Variants in NRG3 observed in about 807,000 individuals in gnomAD.
NRG3 encodes pro-neuregulin-3, membrane-bound isoform.
Under a neutral mutation model 66.9 loss-of-function variants are expected in NRG3, and 31 were observed. The observed-to-expected ratio is 0.46, with a 90% CI of 0.35 to 0.63. The LOEUF (loss-of-function observed/expected upper bound fraction) is 0.63. NRG3 is among the 20% of genes least tolerant of loss of function. The pLI, the probability that NRG3 is intolerant of heterozygous loss-of-function variation, is 0.00. For missense variants in NRG3, 910 were observed against 878.9 expected (o/e 1.04, Z -0.45); for synonymous variants, 393 against 359.4 (o/e 1.09, Z -1.06).
intron 2 of NRG3, among the ~76,000 whole-genome samples, chr10:82,461,604 C>A (rs11194450): frequency 0.45 from 68,154 of 152,072 alleles, 18,972 homozygotes; most frequent in African/African-American, 0.78. Flanking sequence ...TGACTGTTTG[C>A]TTATTTCACA....
intron 4 of NRG3, among the ~76,000 whole-genome samples, chr10:82,925,665 T>C (rs910216852): frequency 2.0e-5 from 3 of 152,226 alleles, no homozygotes; most frequent in East Asian, 1.9e-4. Flanking sequence ...TCAATCTACG[T>C]AGGGTTTATA....
chr10:82,450,148 A>G (rs553033245), intron 2 of NRG3, among the ~76,000 whole-genome samples: 4 of 152,308 alleles, frequency 2.6e-5, no homozygotes, highest in South Asian at 4.1e-4. Flanking sequence ...GGATTAGCAC[A>G]CTACAAGTTC....
intron 2 of NRG3, among the ~76,000 whole-genome samples, chr10:82,464,993 G>A (rs970411393): frequency 1.3e-5 from 2 of 152,198 alleles, no homozygotes; most frequent in Admixed American, 1.3e-4. Flanking sequence ...TGCCTGCATT[G>A]ATGGGTCCTG....
intron 2 of NRG3, among the ~76,000 whole-genome samples, chr10:82,681,592 T>A (rs1565197181): frequency 6.6e-6 from 1 of 152,166 alleles, no homozygotes; most frequent in Non-Finnish European, 1.5e-5. Context: ...AGTAAATAAA[T>A]TGACAAATAA....
At chr10:82,555,533 C>T (rs2044591878) in intron 2 of NRG3, among the ~76,000 whole-genome samples, 1 of 152,130 alleles carries the variant, frequency 6.6e-6, no homozygotes, top group South Asian at 2.1e-4. Context: ...CAAGGGAAGA[C>T]TTTGTATTTC....
intron 3 of NRG3, among the ~76,000 whole-genome samples, chr10:82,755,420 G>T (rs1011263281): frequency 2.6e-5 from 4 of 152,034 alleles, no homozygotes; most frequent in Admixed American, 6.6e-5. Context: ...TTGAACACTT[G>T]ATCTCATTTT....
At chr10:81,933,228 A>G (rs530670332) in intron 1 of NRG3, among the ~76,000 whole-genome samples, 2 of 152,262 alleles carry the variant, frequency 1.3e-5, no homozygotes, top group South Asian at 2.1e-4. Context: ...TAGCACAACA[A>G]TATGCCTGCT....
chr10:82,811,410 C>T (rs968634336), intron 3 of NRG3, among the ~76,000 whole-genome samples: 2 of 152,096 alleles, frequency 1.3e-5, no homozygotes, highest in Non-Finnish European at 2.9e-5. Context: ...AGGCTTGTGG[C>T]GACCTTCTAA....
At chr10:82,698,438 C>T (rs2134263171) in intron 2 of NRG3, among the ~76,000 whole-genome samples, 1 of 152,112 alleles carries the variant, frequency 6.6e-6, no homozygotes, top group South Asian at 2.1e-4. Flanking sequence ...TTAAATAATC[C>T]AAAAGATTAA....
intron 1 of NRG3, among the ~76,000 whole-genome samples, chr10:82,320,723 A>G (rs1436372855): frequency 2.0e-5 from 3 of 152,166 alleles, no homozygotes; most frequent in Non-Finnish European, 2.9e-5. Flanking sequence ...ACATAAGGAA[A>G]TACTGCGTAG....
At position 82,632,797 on chromosome 10, in the gene NRG3, C is replaced by G. The variant is rs139055773; in HGVS notation, c.954-105780C>G. 1.4e-4 allele frequency among the ~76,000 whole-genome samples: 21 copies of G among 152,226 alleles called. No homozygotes were observed. In the East Asian group the frequency reaches 3.1e-3, roughly 22 times the overall value. On this transcript the variant is annotated intron_variant, in intron 2 of 8. Coordinates refer to ENST00000372141, the MANE Select transcript of NRG3 (RefSeq NM_001010848.4). ...TTTAATCTTTTAGTTTGCTTTTCCT[C>G]TTGATGATTGACTTGGTTCATTTAA...
chr10:82,782,434 A>G (rs2060156396), intron 3 of NRG3, among the ~76,000 whole-genome samples: 2 of 152,032 alleles, frequency 1.3e-5, no homozygotes, highest in African/African-American at 4.8e-5. Flanking sequence ...AACTGTAAGA[A>G]ATATTTGTTC....
intron 3 of NRG3, among the ~76,000 whole-genome samples, chr10:82,852,690 A>C (rs1233731244): frequency 6.6e-6 from 1 of 152,156 alleles, no homozygotes; most frequent in Non-Finnish European, 1.5e-5. Context: ...TGGCTAAGTG[A>C]TGTAAAATTA....
chr10:81,966,791 A>G (rs1405803079), intron 1 of NRG3, among the ~76,000 whole-genome samples: 1 of 152,136 alleles, frequency 6.6e-6, no homozygotes, highest in Admixed American at 6.5e-5. Flanking sequence ...TTGGCCATGT[A>G]GCTTTTCCTA....
chr10:82,853,235 T>C (rs1055765674), intron 3 of NRG3, among the ~76,000 whole-genome samples: 1 of 152,150 alleles, frequency 6.6e-6, no homozygotes, highest in Non-Finnish European at 1.5e-5. Context: ...TAGTAGAAAT[T>C]AGTATAAAGT....
At chr10:81,878,063 A>G in intron 1 of NRG3, 2 of 1,536,934 alleles carry the variant, frequency 1.3e-6, no homozygotes. Context: ...TTCCTTGTGT[A>G]CCATTCCGGA....
chr10:82,765,432 A>T (rs1405123430), intron 3 of NRG3, among the ~76,000 whole-genome samples: 6 of 152,162 alleles, frequency 3.9e-5, no homozygotes, highest in Non-Finnish European at 7.4e-5. Flanking sequence ...AGAAATGATT[A>T]TAAATAAACA....
At chr10:82,133,238 TA>T (rs1353685603) in intron 1 of NRG3, among the ~76,000 whole-genome samples, 4 of 152,152 alleles carry the variant, frequency 2.6e-5, no homozygotes, top group Non-Finnish European at 5.9e-5. Context: ...CTGTACCTCA[TA>T]TTTTTTTAAC....
At chr10:82,016,700 G>A (rs1048431572) in intron 1 of NRG3, among the ~76,000 whole-genome samples, 5 of 152,088 alleles carry the variant, frequency 3.3e-5, no homozygotes, top group Non-Finnish European at 5.9e-5. Context: ...AATGAGGTCT[G>A]CGACTAGGCA....
Sources: allele counts gnomAD v4.1 joint callset (sites outside exome capture counted in the v4.1 genomes callset), GRCh38; gene constraint gnomAD v4.1.1; transcripts MANE v1.5; gene names NCBI Gene and HGNC (gene_info 2026-07-23, HGNC 2026-07-21).